The following AHNAK2 variants were observed in gnomAD, a reference collection of about 807,000 sequenced individuals.
AHNAK2 encodes protein AHNAK2.
AHNAK2 carries 18 observed loss-of-function variants against 30.7 expected under a neutral mutation model. The ratio of observed to expected loss-of-function variants is 0.59; its 90% CI spans 0.41 to 0.87. The LOEUF (loss-of-function observed/expected upper bound fraction) is 0.87. AHNAK2 is among the 40% of genes least tolerant of loss of function. AHNAK2 has a pLI of 0.00. For missense variants in AHNAK2, 8,604 were observed against 7,373.0 expected (o/e 1.17, Z -6.11); for synonymous variants, 3,590 against 3,073.8 (o/e 1.17, Z -5.56).
rs1452722166 is a variant in AHNAK2 at position 104,952,778 on chromosome 14, C to G, written c.2673G>C (p.Glu891Asp). The change falls in exon 7 of 7, where the codon GAG becomes GAC. Residue 891 changes from glutamate to aspartate, a missense_variant. Transcript: ENST00000333244. ...LSIQPPSADL[E>D]VQAGQVDVKL... ...TCACATCCACTTGGCCAGCCTGGAC[C>G]TCCAGGTCAGCGGAAGGGGGCTGAA... 6.2e-7 allele frequency: 1 copy of G among 1,612,472 alleles called. No homozygotes were observed. The highest frequency in any genetic ancestry group is 8.5e-7 in the Non-Finnish European group (1 of 1,179,588).
chr14:104,961,715 G>A (rs918845185), intron 1 of AHNAK2, among the ~76,000 whole-genome samples: 21 of 152,158 alleles, frequency 1.4e-4, no homozygotes, highest in African/African-American at 3.4e-4. Flanking sequence ...GGCTTGTGCC[G>A]TAATCCCAGC....
chr14:104,951,645 C>A lies in AHNAK2; in HGVS notation c.3806G>T (p.Arg1269Met). 1 of 1,241,600 alleles carries A rather than the reference C, an allele frequency of 8.1e-7. No homozygotes were observed. The highest frequency in any genetic ancestry group is 1.1e-6 in the Non-Finnish European group (1 of 878,674). The allele number at this position is 1,241,600 out of a possible 1,614,324, so 76.9% of individuals were successfully genotyped here. Reference sequence around the variant, plus strand: ...ACCTTTCAGGTCCAGCTTGGGGCCCCTGACTTCCACCTGGGGGCCCTTGAG... The same window carrying A: ...ACCTTTCAGGTCCAGCTTGGGGCCCATGACTTCCACCTGGGGGCCCTTGAG... ...VDLKGPQVEV[R>M]GPKLDLKGHK... The change falls in exon 7 of 7, where the codon AGG becomes ATG. Residue 1269 changes from arginine (R) to methionine (M), a missense_variant. Physicochemically the swap from Arg to Met is moderately conservative, Grantham distance 91 (BLOSUM62 -1). Coordinates refer to ENST00000333244, the MANE Select transcript of AHNAK2 (RefSeq NM_138420.4).
rs1349551631 is a variant in AHNAK2 at position 104,939,466 on chromosome 14, G to T, written c.15985C>A (p.Pro5329Thr). Residue 5329 changes from proline to threonine, a missense_variant, in exon 7 of 7, where the codon CCT (proline) becomes ACT (threonine). Physicochemically the swap from Pro to Thr is conservative, Grantham distance 38. Transcript: ENST00000333244. The stretch of plus-strand genomic sequence containing the variant: ...AGGTCATGTCCTGGCTTGGAAAGAG[G>T]AGTCTCATCTATTTCTCCTGGAAGA... ...QVLPGEIDETPLSKPGHDLAS... is the reference protein window; with the variant it reads ...QVLPGEIDETTLSKPGHDLAS... The T allele has an allele frequency of 6.2e-7, 1 of 1,613,290 alleles. No individual in the cohort carries two copies. The highest frequency in any genetic ancestry group is 8.5e-7 in the Non-Finnish European group (1 of 1,179,792).
At chr14:104,969,070 C>G (rs1398851141) in intron 1 of AHNAK2, among the ~76,000 whole-genome samples, 1 of 152,220 alleles carries the variant, frequency 6.6e-6, no homozygotes, top group Admixed American at 6.5e-5. Flanking sequence ...TGAGCAACAT[C>G]CCCCGCCCCT....
rs2013445 is a variant in AHNAK2, at chr14:104,950,810, A to G, written c.4641T>C (p.Ser1547=). Reference sequence around the variant, plus strand: ...GGCCAGCCTGGACCTCCAGGTCAGCAGAAGGGGGCTGTATGCTCAGGTCAG... The same window carrying G: ...GGCCAGCCTGGACCTCCAGGTCAGCGGAAGGGGGCTGTATGCTCAGGTCAG... ...KATDLSIQPP[S]ADLEVQAGQV... The change falls in exon 7 of 7, where the codon TCT becomes TCC. Residue 1547 remains serine, a synonymous_variant. Transcript: ENST00000333244. The G allele has an allele frequency of 0.55, 867,941 of 1,581,486 alleles. 282,983 individuals are homozygous for G. Among genetic ancestry groups the G allele is most frequent in the South Asian group, 0.63 (56,361 of 89,462 alleles).
At chr14:104,971,401 C>T (rs1566926992) in intron 1 of AHNAK2, among the ~76,000 whole-genome samples, 1 of 152,302 alleles carries the variant, frequency 6.6e-6, no homozygotes, top group Non-Finnish European at 1.5e-5. Context: ...AGGCACACAC[C>T]AGCACGCCTG....
chr14:104,941,678 C>G lies in AHNAK2; in HGVS notation c.13773G>C (p.Leu4591=). 3.1e-6 allele frequency: 5 copies of G among 1,613,688 alleles called. No homozygotes were observed. The highest frequency in any genetic ancestry group is 4.2e-6 in the Non-Finnish European group (5 of 1,179,868). ...EVMAPDVEVS[L]PSVETDVQAP... is the part of the protein sequence containing the mutation. ...CCTGGACATCCGTCTCCACGCTGGGCAGAGACACCTCCACATCGGGGGCCA... is the reference window on the plus strand; with the variant it reads ...CCTGGACATCCGTCTCCACGCTGGGGAGAGACACCTCCACATCGGGGGCCA... The change falls in exon 7 of 7, where the codon CTG becomes CTC. Residue 4591 remains leucine, a synonymous_variant. Transcript: ENST00000333244.
rs760770891 is a variant in AHNAK2, at chr14:104,950,813, A to G, written c.4638T>C (p.Pro1546=). 6.3e-7 allele frequency: 1 copy of G among 1,585,714 alleles called. No individual in the cohort carries two copies. Among genetic ancestry groups the G allele is most frequent in the South Asian group, 1.1e-5 (1 of 89,636 alleles). ...LKATDLSIQP[P]SADLEVQAGQ... ...CAGCCTGGACCTCCAGGTCAGCAGA[A>G]GGGGGCTGTATGCTCAGGTCAGTGG... is the stretch of plus-strand genomic sequence containing the variant. Residue 1546 remains proline, a synonymous_variant, in exon 7 of 7, where the codon CCT becomes CCC. Transcript: ENST00000333244.
chr14:104,946,400 C>A lies in AHNAK2; in HGVS notation c.9051G>T (p.Met3017Ile), dbSNP rs1898270672. ...TGTCAGTGGTCTTCAGGTCCCCCTG[C>A]ATGGAGGGGAGGCTCACTTCGGCCT... ...KVEAEVSLPS[M>I]QGDLKTTDIS... Residue 3017 changes from methionine to isoleucine, a missense_variant, in exon 7 of 7, where the codon ATG (methionine) becomes ATT (isoleucine). Transcript: ENST00000333244. 6.2e-7 allele frequency: 1 copy of A among 1,612,712 alleles called. No individual in the cohort carries two copies. The highest frequency in any genetic ancestry group is 2.2e-5 in the East Asian group (1 of 44,728).
rs1899307953 is a variant in AHNAK2 at position 104,966,589 on chromosome 14, C to T, written c.56-8917G>A. ...GAACTTGGCCAGCCCCACCGCTCTG[C>T]CTCCCAGATGGCTGCCAAACCCTCC... On this transcript the variant is annotated intron_variant, in intron 1 of 6. Transcript: ENST00000333244. The surrounding 1 kb of genome is among the most constrained non-coding windows in gnomAD (Gnocchi z 4.3). Among the ~76,000 whole-genome samples, 1 of 152,154 alleles carries T rather than the reference C, an allele frequency of 6.6e-6. No homozygotes were observed. Among genetic ancestry groups the T allele is most frequent in the Admixed American group, 6.5e-5 (1 of 15,284 alleles).
Position 104,943,745 on chromosome 14 carries a change from C to G in AHNAK2, c.11706G>C (p.Lys3902Asn), listed in dbSNP as rs2819423. Residue 3902 changes from lysine to asparagine, a missense_variant, in exon 7 of 7, where the codon AAG becomes AAC. Physicochemically the swap from Lys to Asn is moderately conservative, Grantham distance 94 (BLOSUM62 0). Transcript: ENST00000333244. The part of the protein sequence containing the change: ...PSFKMPKVDL[K>N]GPEIDIKGPK... ...GGCCCTTGATGTCTATTTCAGGGCC[C>G]TTGAGGTCGACTTTGGGCATCTTGA... is the stretch of plus-strand genomic sequence containing the variant. 6,262 of 1,612,730 alleles carry G rather than the reference C, an allele frequency of 3.9e-3. 193 individuals carry two copies. In the African/African-American group the frequency reaches 0.069, roughly 18 times the overall value.
rs190033517 is a variant in AHNAK2 at position 104,950,433 on chromosome 14, G to C, written c.5018C>G (p.Pro1673Arg). ...FKMPSFGVSA[P>R]GKSIEASVDV... Reference sequence around the variant, plus strand: ...CACCGAGGCCTCGATGGACTTGCCTGGGGCCGACACCCCAAATGATGGCAT... The same window carrying C: ...CACCGAGGCCTCGATGGACTTGCCTCGGGCCGACACCCCAAATGATGGCAT... The change falls in exon 7 of 7, where the codon CCA becomes CGA. Residue 1673 changes from proline (P) to arginine (R), a missense_variant. By Grantham distance (103) the Pro-to-Arg change is moderately radical. Transcript: ENST00000333244. 1.3e-6 allele frequency: 2 copies of C among 1,586,714 alleles called. No individual in the cohort carries two copies. The highest frequency in any genetic ancestry group is 1.4e-5 in the African/African-American group (1 of 72,594).
chr14:104,963,096 T>A (rs1899196154), intron 1 of AHNAK2, among the ~76,000 whole-genome samples: 1 of 152,228 alleles, frequency 6.6e-6, no homozygotes, highest in Non-Finnish European at 1.5e-5. Flanking sequence ...GGCAAAGGAC[T>A]TGCATGGAGC....
Position 104,938,419 on chromosome 14 carries a change from G to A in AHNAK2, c.17032C>T (p.Gln5678Ter), listed in dbSNP as rs1416241282. Residue 5678 changes from glutamine to a stop codon, truncating the protein, a stop_gained, in exon 7 of 7, where the codon CAG (glutamine) becomes TAG (stop). Coordinates refer to ENST00000333244, the MANE Select transcript of AHNAK2 (RefSeq NM_138420.4). LOFTEE classifies it low-confidence loss of function (END_TRUNC). ...DVQRSAPIQTQPEARPEAELP... is the reference protein window; with the variant it reads ...DVQRSAPIQT ...TCTGCCTCTGGTCGTGCCTCAGGCT[G>A]TGTTTGAATGGGAGCAGATCTCTGG... 6.2e-7 allele frequency: 1 copy of A among 1,613,962 alleles called. No individual in the cohort carries two copies. The highest frequency in any genetic ancestry group is 8.5e-7 in the Non-Finnish European group (1 of 1,179,882).
intron 1 of AHNAK2, 33 bp downstream of exon 1, chr14:104,978,150 A>G (rs1899644630): frequency 8.3e-7 from 1 of 1,206,922 alleles, no homozygotes; most frequent in Non-Finnish European, 1.0e-6. Context: ...CACCCGCCCC[A>G]GGGGAGCGGG....
chr14:104,954,232 C>T lies in AHNAK2; in HGVS notation c.1219G>A (p.Gly407Arg), dbSNP rs1898898163. 1.9e-6 allele frequency: 3 copies of T among 1,611,898 alleles called. No homozygotes were observed. Among genetic ancestry groups the T allele is most frequent in the Non-Finnish European group, 2.5e-6 (3 of 1,179,826 alleles). ...TELGDPRLCE[G>R]TPQEGGLRAA... Reference sequence around the variant, plus strand: ...CTGAGTCCCCCTTCCTGAGGGGTTCCCTCGCAAAGTCTAGGGTCACCGAGC... The same window carrying T: ...CTGAGTCCCCCTTCCTGAGGGGTTCTCTCGCAAAGTCTAGGGTCACCGAGC... The change falls in exon 7 of 7, where the codon GGA becomes AGA. Residue 407 changes from glycine (G) to arginine (R), a missense_variant. Gly to Arg is a moderately radical substitution (Grantham distance 125). Coordinates refer to ENST00000333244, the MANE Select transcript of AHNAK2 (RefSeq NM_138420.4). The surrounding 1 kb of genome is among the most constrained non-coding windows in gnomAD (Gnocchi z 4.3).
intron 1 of AHNAK2, among the ~76,000 whole-genome samples, chr14:104,976,543 G>A (rs905658792): frequency 5.9e-5 from 9 of 152,160 alleles, no homozygotes; most frequent in South Asian, 4.1e-4. Flanking sequence ...TCTGGGAACC[G>A]GTGTGCTGGA....
Position 104,952,014 on chromosome 14 carries a change from T to C in AHNAK2, c.3437A>G (p.Glu1146Gly), listed in dbSNP as rs776657687. The C allele has an allele frequency of 8.7e-6, 14 of 1,612,580 alleles. No individual in the cohort carries two copies. The highest frequency in any genetic ancestry group is 1.2e-5 in the Non-Finnish European group (14 of 1,179,640). ...CTTGTCGGCCAGGGACAGTTCCCCC[T>C]CCAGCCGCGCACTGTCCAGCTTGGC... ...PGAKLDSARL[E>G]GELSLADKDV... The change falls in exon 7 of 7, where the codon GAG (glutamate) becomes GGG (glycine). Residue 1146 changes from glutamate to glycine, a missense_variant. Transcript: ENST00000333244.
Position 104,951,564 on chromosome 14 carries a change from A to G in AHNAK2, c.3887T>C (p.Val1296Ala). 8.0e-7 allele frequency: 1 copy of G among 1,246,922 alleles called. No homozygotes were observed. The highest frequency in any genetic ancestry group is 1.9e-5 in the Admixed American group (1 of 53,652). The allele number at this position is 1,246,922 out of a possible 1,614,324, so 77.2% of individuals were successfully genotyped here. ...CTTGGCTCCCGGGGCCTGCATGTCC[A>G]CCTCCACACTGGGCAGAGACACAGC... ...EVAVSLPSVE[V>A]DMQAPGAKLD... The change falls in exon 7 of 7, where the codon GTG (valine) becomes GCG (alanine). Residue 1296 changes from valine to alanine, a missense_variant. Physicochemically the swap from Val to Ala is moderately conservative, Grantham distance 64. Transcript: ENST00000333244.
Sources: gnomAD v4.1 joint callset for allele counts (sites outside exome capture counted in the v4.1 genomes callset) on GRCh38, gnomAD v4.1.1 for gene constraint, Gnocchi (gnomAD v3.1) non-coding constraint, MANE v1.5 for transcripts, NCBI Gene and HGNC (gene_info 2026-07-23, HGNC 2026-07-21) for gene names.